CSGALNACT2: variants seen among roughly 807,000 people sequenced by gnomAD.
CSGALNACT2 encodes chondroitin sulfate N-acetylgalactosaminyltransferase 2, also known as beta 4 GalNAcT-2.
CSGALNACT2 carries 35 observed loss-of-function variants against 55.3 expected under a neutral mutation model. The observed-to-expected ratio is 0.63, with a 90% CI of 0.48 to 0.84. The LOEUF (loss-of-function observed/expected upper bound fraction) is 0.84. CSGALNACT2 is among the 40% of genes least tolerant of loss of function. CSGALNACT2 has a pLI of 0.00. For missense variants in CSGALNACT2, 544 were observed against 657.5 expected (o/e 0.83, Z 1.89); for synonymous variants, 196 against 224.9 (o/e 0.87, Z 1.15).
chr10:43,165,102 G>A (rs917985245), intron 5 of CSGALNACT2, among the ~76,000 whole-genome samples: 3 of 152,116 alleles, frequency 2.0e-5, no homozygotes, highest in African/African-American at 4.8e-5. Context: ...GTGGGTGCCT[G>A]TAGTCCTAGC....
chr10:43,176,846 C>T (rs541126318), intron 7 of CSGALNACT2, among the ~76,000 whole-genome samples: 2 of 152,278 alleles, frequency 1.3e-5, no homozygotes, highest in East Asian at 3.9e-4. Flanking sequence ...GGATTGCAGG[C>T]GTGAGCCACC....
intron 6 of CSGALNACT2, among the ~76,000 whole-genome samples, chr10:43,171,928 C>T (rs1839390091): frequency 6.6e-6 from 1 of 152,156 alleles, no homozygotes; most frequent in South Asian, 2.1e-4. Flanking sequence ...TTTAAATAGT[C>T]AGCCTTACTA....
At chr10:43,157,946 T>C (rs536047268) in intron 2 of CSGALNACT2, among the ~76,000 whole-genome samples, 1 of 151,232 alleles carries the variant, frequency 6.6e-6, no homozygotes, top group African/African-American at 2.4e-5. Context: ...GAAGAATTGC[T>C]TGAACCCGGG....
At chr10:43,151,401 G>A (rs902216799) in intron 1 of CSGALNACT2, among the ~76,000 whole-genome samples, 2 of 152,114 alleles carry the variant, frequency 1.3e-5, no homozygotes, top group Admixed American at 1.3e-4. Context: ...GTTTAGTCTA[G>A]AGCTAATTAT....
At chr10:43,171,924 TAGTC>T (rs1179753162) in intron 6 of CSGALNACT2, among the ~76,000 whole-genome samples, 7 of 152,244 alleles carry the variant, frequency 4.6e-5, no homozygotes, top group East Asian at 1.9e-4. Flanking sequence ...CATATTTAAA[TAGTC>T]AGCCTTACTA....
At chr10:43,172,592 A>G (rs2133146372) in intron 6 of CSGALNACT2, among the ~76,000 whole-genome samples, 1 of 152,124 alleles carries the variant, frequency 6.6e-6, no homozygotes, top group South Asian at 2.1e-4. Flanking sequence ...ACTCCTGTCC[A>G]CTGTGCACAC....
chr10:43,150,617 C>T (rs1156739346), intron 1 of CSGALNACT2, among the ~76,000 whole-genome samples: 1 of 152,148 alleles, frequency 6.6e-6, no homozygotes, highest in Non-Finnish European at 1.5e-5. Flanking sequence ...ATGTGATGTG[C>T]ATTTTTCATG....
Position 43,183,458 on chromosome 10 carries a change from C to A in CSGALNACT2, c.1545C>A (p.His515Gln). 1 of 1,614,000 alleles carries A rather than the reference C, an allele frequency of 6.2e-7. No homozygotes were observed. Among genetic ancestry groups the A allele is most frequent in the Non-Finnish European group, 8.5e-7 (1 of 1,179,868 alleles). The change falls in exon 8 of 8, where the codon CAC (histidine) becomes CAA (glutamine). Residue 515 changes from histidine to glutamine, a missense_variant. This residue lies in a region of CSGALNACT2 where 170 missense variants were observed against 256.2 expected (regional missense o/e 0.66). Coordinates refer to ENST00000374466, the MANE Select transcript of CSGALNACT2 (RefSeq NM_018590.5). The stretch of plus-strand genomic sequence containing the variant: ...CCATGAATGAGGCCTCTCACTCCCA[C>A]CTGGGAATGCTGGTCTTCAGGGAGG... ...SKAMNEASHS[H>Q]LGMLVFREEI...
chr10:43,178,901 T>G (rs1461684288), intron 7 of CSGALNACT2, among the ~76,000 whole-genome samples: 1 of 152,102 alleles, frequency 6.6e-6, no homozygotes, highest in African/African-American at 2.4e-5. Context: ...TAGGCTCTGT[T>G]TATTTCTCTT....
At chr10:43,162,452 A>G in intron 4 of CSGALNACT2, 1 of 985,388 alleles carries the variant, frequency 1.0e-6, no homozygotes, top group Non-Finnish European at 1.2e-6. Context: ...AGTGAGGGGT[A>G]TTCTGTGATC....
In CSGALNACT2 at chr10:43,143,493, ATGTGTGTGTGTGTGTGTG is replaced by A. The variant is rs3983257; in HGVS notation, c.-254+4953_-254+4970del. Among the ~76,000 whole-genome samples the A allele has an allele frequency of 4.4e-3, 631 of 141,970 alleles. 1 individual carries two copies. The highest frequency in any genetic ancestry group is 0.01 in the East Asian group (48 of 4,792). 93.1% of individuals were successfully genotyped at this position (141,970 alleles called of 152,430 possible). A position where few individuals can be genotyped will look rare whatever the true frequency, so the allele number is the denominator to read the frequency against. On this transcript the variant is annotated intron_variant, in intron 1 of 7. Coordinates refer to ENST00000374466, the MANE Select transcript of CSGALNACT2 (RefSeq NM_018590.5). ...TTTAAATCAAGTTTGCTCTCCAAAA[ATGTGTGTGTGTGTGTGTG>A]TGTGTGTGTGTGTGTGTGTGTGTGT...
chr10:43,147,077 G>A (rs1191016430), intron 1 of CSGALNACT2, among the ~76,000 whole-genome samples: 1 of 126,898 alleles, frequency 7.9e-6, no homozygotes, highest in African/African-American at 2.9e-5. Flanking sequence ...CCGGGTTCAC[G>A]CCATTCTCCT....
At chr10:43,167,998 G>A (rs1839303113) in intron 6 of CSGALNACT2, among the ~76,000 whole-genome samples, 1 of 151,988 alleles carries the variant, frequency 6.6e-6, no homozygotes, top group Admixed American at 6.5e-5. Context: ...AAAGTAGACA[G>A]ATTTCAGGTA....
intron 4 of CSGALNACT2, chr10:43,162,423 G>C: frequency 2.0e-6 from 2 of 985,318 alleles, no homozygotes; most frequent in Non-Finnish European, 2.4e-6. Context: ...GGAAATTACT[G>C]TGGTTGGGGT....
intron 6 of CSGALNACT2, among the ~76,000 whole-genome samples, chr10:43,168,879 T>C (rs1839326609): frequency 1.3e-5 from 2 of 152,206 alleles, no homozygotes; most frequent in African/African-American, 2.4e-5. Flanking sequence ...TCTTGAGAAC[T>C]TTCTGTAAGA....
intron 2 of CSGALNACT2, among the ~76,000 whole-genome samples, chr10:43,158,406 T>A (rs1839065322): frequency 6.6e-6 from 1 of 152,210 alleles, no homozygotes; most frequent in South Asian, 2.1e-4. Flanking sequence ...GTAATTTCTT[T>A]ATTTATCATG....
intron 2 of CSGALNACT2, 34 bp from the exon 3 acceptor site, chr10:43,158,681 T>C (rs1839072566): frequency 8.0e-7 from 1 of 1,243,914 alleles, no homozygotes; most frequent in Non-Finnish European, 1.2e-6. Flanking sequence ...AACTTTGACA[T>C]GGAGACGTCT....
intron 1 of CSGALNACT2, among the ~76,000 whole-genome samples, chr10:43,151,476 T>A (rs1453103606): frequency 1.3e-5 from 2 of 152,164 alleles, no homozygotes; most frequent in African/African-American, 4.8e-5. Flanking sequence ...TCTGAGGTTT[T>A]CCAGTCTGTC....
chr10:43,158,651 G>A (rs1839071659), intron 2 of CSGALNACT2, 64 bp from the exon 3 acceptor site: 1 of 944,810 alleles, frequency 1.1e-6, no homozygotes, highest in African/African-American at 1.6e-5. Flanking sequence ...AGTAAAATCT[G>A]TCTTCCCATT....
Sources: allele counts gnomAD v4.1 joint callset (sites outside exome capture counted in the v4.1 genomes callset), GRCh38; gene constraint gnomAD v4.1.1; regional missense constraint gnomAD v4.1.1; transcripts MANE v1.5; gene names NCBI Gene and HGNC (gene_info 2026-07-23, HGNC 2026-07-21).